The following TDRD5 variants were observed in gnomAD, a reference collection of about 807,000 sequenced individuals.
The protein encoded by TDRD5 is tudor domain containing 5.
Under a neutral mutation model 120.6 loss-of-function variants are expected in TDRD5, and 41 were observed. The ratio of observed to expected loss-of-function variants is 0.34; its 90% CI spans 0.26 to 0.44. TDRD5 has a LOEUF of 0.44. TDRD5 is among the 20% of genes least tolerant of loss of function. TDRD5 has a pLI of 1.00. For missense variants in TDRD5, 1,006 were observed against 1,221.2 expected, an observed-to-expected ratio of 0.82 and a Z score of 2.63; for synonymous variants, 430 against 433.7, an observed-to-expected ratio of 0.99 and a Z score of 0.11.
chr1:179,612,339 C>T (rs1287175401), intron 4 of TDRD5, among the ~76,000 whole-genome samples: 1 of 152,120 alleles, frequency 6.6e-6, no homozygotes, highest in Non-Finnish European at 1.5e-5. Context: ...TGTGTTAGAA[C>T]AGTTTAAAGC....
intron 6 of TDRD5, among the ~76,000 whole-genome samples, chr1:179,629,355 T>C (rs1270178595): frequency 2.0e-5 from 3 of 152,194 alleles, no homozygotes; most frequent in African/African-American, 7.2e-5. Context: ...AAGATGAGAA[T>C]ACATATTAGA....
chr1:179,644,613 T>C (rs1338196569), intron 11 of TDRD5, among the ~76,000 whole-genome samples: 1 of 152,180 alleles, frequency 6.6e-6, no homozygotes. Flanking sequence ...CTTGACATTT[T>C]TGATGTCATT....
intron 7 of TDRD5, among the ~76,000 whole-genome samples, chr1:179,633,034 A>G (rs1406947050): frequency 6.6e-6 from 1 of 152,170 alleles, no homozygotes; most frequent in Non-Finnish European, 1.5e-5. Context: ...TACTTGAAGT[A>G]TGGTTTCTAA....
At chr1:179,643,336 A>G (rs981072022) in intron 11 of TDRD5, among the ~76,000 whole-genome samples, 3 of 152,184 alleles carry the variant, frequency 2.0e-5, no homozygotes, top group African/African-American at 7.2e-5. Flanking sequence ...AGAAAAAAAA[A>G]CAGGAAAATG....
chr1:179,659,525 A>G (rs1679170934), intron 14 of TDRD5, among the ~76,000 whole-genome samples: 3 of 150,168 alleles, frequency 2.0e-5, no homozygotes, highest in Admixed American at 6.7e-5. Context: ...TAATGCACTG[A>G]TATCAGTATA....
intron 5 of TDRD5, among the ~76,000 whole-genome samples, chr1:179,620,048 A>G (rs533589070): frequency 1.3e-5 from 2 of 152,338 alleles, no homozygotes; most frequent in South Asian, 2.1e-4. Context: ...CTCAGTTTAC[A>G]TGGAAGTTTC....
intron 6 of TDRD5, among the ~76,000 whole-genome samples, chr1:179,627,356 A>T (rs535475933): frequency 6.2e-4 from 95 of 152,294 alleles, no homozygotes; most frequent in Admixed American, 1.9e-3. Flanking sequence ...GGTTGGGGGG[A>T]GAGAATATAG....
intron 16 of TDRD5, among the ~76,000 whole-genome samples, chr1:179,664,043 G>C (rs765131239): frequency 2.0e-5 from 3 of 152,148 alleles, no homozygotes; most frequent in African/African-American, 7.2e-5. Flanking sequence ...TGGCTGCCAG[G>C]CCTCTTTACT....
At chr1:179,683,479 A>T (rs1466737206) in intron 17 of TDRD5, among the ~76,000 whole-genome samples, 1 of 152,178 alleles carries the variant, frequency 6.6e-6, no homozygotes, top group African/African-American at 2.4e-5. Context: ...TCTAATAGAC[A>T]CTATAGTTTT....
intron 17 of TDRD5, among the ~76,000 whole-genome samples, chr1:179,671,015 T>G (rs1203621950): frequency 6.6e-6 from 1 of 152,232 alleles, no homozygotes. Context: ...CCAATTCAAG[T>G]TAATATTTGT....
rs1268931757 is a variant in TDRD5 at position 179,593,824 on chromosome 1, AAAG to A, written c.602_604del (p.Lys201del). 6.2e-7 allele frequency: 1 copy of A among 1,614,188 alleles called. No homozygotes were observed. The highest frequency in any genetic ancestry group is 1.7e-5 in the Admixed American group (1 of 60,016). The stretch of plus-strand genomic sequence containing the variant: ...CCAGAGCAGGTTCTTTGTTGATGCT[AAAG>A]AAGAGTGTAACAGAGGAAAAGCCGA... On this transcript the variant is annotated inframe_deletion, in exon 3 of 18. Transcript: ENST00000444136.
At chr1:179,628,521 G>A (rs1254269316) in intron 6 of TDRD5, among the ~76,000 whole-genome samples, 1 of 150,328 alleles carries the variant, frequency 6.7e-6, no homozygotes, top group Non-Finnish European at 1.5e-5. Context: ...GCCCAGGCTG[G>A]TCTCTAACTC....
intron 6 of TDRD5, among the ~76,000 whole-genome samples, chr1:179,626,074 CAGGGGGGAGGGAT>C (rs766241766): frequency 1.3e-3 from 189 of 150,950 alleles, no homozygotes; most frequent in Middle Eastern, 0.01. Flanking sequence ...TGGGGTGGGG[CAGGGGGGAGGGAT>C]AGCATTGGGA....
At chr1:179,667,113 A>G (rs938753447) in intron 16 of TDRD5, among the ~76,000 whole-genome samples, 1 of 152,222 alleles carries the variant, frequency 6.6e-6, no homozygotes, top group African/African-American at 2.4e-5. Flanking sequence ...ATGTCTAGCA[A>G]GCTTCCAACT....
At chr1:179,688,466 C>A (rs960166640) in intron 17 of TDRD5, among the ~76,000 whole-genome samples, 11 of 152,298 alleles carry the variant, frequency 7.2e-5, no homozygotes, top group Non-Finnish European at 1.3e-4. Flanking sequence ...TTCTCTCTGG[C>A]TGCGTTTAAC....
At position 179,630,852 on chromosome 1, in the gene TDRD5, A is replaced by T. The variant is rs1297231239; in HGVS notation, c.1058A>T (p.His353Leu). The T allele has an allele frequency of 1.2e-6, 2 of 1,614,028 alleles. No individual in the cohort carries two copies. The highest frequency in any genetic ancestry group is 2.7e-5 in the African/African-American group (2 of 74,930). Residue 353 changes from histidine to leucine, a missense_variant, in exon 7 of 18, where the codon CAT (histidine) becomes CTT (leucine). Coordinates refer to ENST00000444136, the MANE Select transcript of TDRD5 (RefSeq NM_001199085.3). ...ELVGALSDIL[H>L]VEFRKGHQDL... Reference sequence around the variant, plus strand: ...GTTGGAGCTCTTAGTGACATTCTCCATGTTGAGTTCAGGAAAGGACACCAA... The same window carrying T: ...GTTGGAGCTCTTAGTGACATTCTCCTTGTTGAGTTCAGGAAAGGACACCAA...
At chr1:179,646,776 G>A (rs1417535912) in intron 11 of TDRD5, among the ~76,000 whole-genome samples, 1 of 152,078 alleles carries the variant, frequency 6.6e-6, no homozygotes. Flanking sequence ...CAAAATCAAT[G>A]TACAAAAATC....
chr1:179,679,702 C>T (rs1680322797), intron 17 of TDRD5, among the ~76,000 whole-genome samples: 2 of 127,352 alleles, frequency 1.6e-5, no homozygotes, highest in South Asian at 2.5e-4. Flanking sequence ...GTAATTTGTG[C>T]CATCTTTTTC....
At chr1:179,631,368 G>C (rs1677441255) in intron 7 of TDRD5, among the ~76,000 whole-genome samples, 1 of 152,096 alleles carries the variant, frequency 6.6e-6, no homozygotes, top group Non-Finnish European at 1.5e-5. Context: ...CTCCAGCCTG[G>C]GTGACAGAGC....
Sources: allele counts gnomAD v4.1 joint callset (sites outside exome capture counted in the v4.1 genomes callset), GRCh38; gene constraint gnomAD v4.1.1; transcripts MANE v1.5; gene names NCBI Gene and HGNC (gene_info 2026-07-23, HGNC 2026-07-21).